KISS1R: variants seen among roughly 807,000 people sequenced by gnomAD.
KISS1R encodes the protein KISS1 receptor.
In KISS1R, 19 loss-of-function variants were observed where a neutral mutation model predicts 22.0. The observed-to-expected ratio is 0.86, with a 90% CI of 0.60 to 1.26. The LOEUF (loss-of-function observed/expected upper bound fraction) is 1.26. Among genes scored for constraint, KISS1R ranks in the 50% most tolerant of loss-of-function variants. The pLI is 0.00. For synonymous variants in KISS1R, 302 were observed against 283.9 expected, an observed-to-expected ratio of 1.06 and a Z score of -0.64; for missense variants, 653 against 581.9, an observed-to-expected ratio of 1.12 and a Z score of -1.26.
At position 920,699 on chromosome 19, in the gene KISS1R, T is replaced by C. The variant is rs779039173; in HGVS notation, c.1148T>C (p.Leu383Pro). ...GCGCAGAAGCCAGGGAGCAGTGGGC[T>C]GGCCGCGCGCGGGCTGTGCGTCCTG... ...ARAQKPGSSG[L>P]AARGLCVLGE... The change falls in exon 5 of 5, where the codon CTG becomes CCG. Residue 383 changes from leucine to proline, a missense_variant. Transcript: ENST00000234371. The C allele has an allele frequency of 7.6e-7, 1 of 1,313,900 alleles. No homozygotes were observed. The highest frequency in any genetic ancestry group is 9.7e-7 in the Non-Finnish European group (1 of 1,031,564). 81.4% of individuals were successfully genotyped at this position (1,313,900 alleles called of 1,614,324 possible). A position where few individuals can be genotyped will look rare whatever the true frequency, so the allele number is the denominator to read the frequency against.
chr19:920,821 TTAG>T lies in KISS1R; in HGVS notation c.*76_*78del. 8.1e-7 allele frequency: 1 copy of T among 1,233,762 alleles called. No homozygotes were observed. Among genetic ancestry groups the T allele is most frequent in the Non-Finnish European group, 1.0e-6 (1 of 988,626 alleles). 76.4% of individuals were successfully genotyped at this position (1,233,762 alleles called of 1,614,324 possible). A position where few individuals can be genotyped will look rare whatever the true frequency, so the allele number is the denominator to read the frequency against. ...TGGAACAGCGGCTATTCTTCTGTTA[TTAG>T]TATTTTTCTTACTGTCCAAGATCAA... On this transcript the variant is annotated 3_prime_UTR_variant, in exon 5 of 5. Coordinates refer to ENST00000234371, the MANE Select transcript of KISS1R (RefSeq NM_032551.5).
rs531922726 is a variant in KISS1R, at chr19:920,494, A to G, written c.943A>G (p.Asn315Asp). ...KTWAHCMSYS[N>D]SALNPLLYAF... is the part of the protein sequence containing the mutation. Reference sequence around the variant, plus strand: ...CTGGGCTCACTGCATGTCCTACAGCAACTCCGCGCTGAACCCGCTGCTCTA... The same window carrying G: ...CTGGGCTCACTGCATGTCCTACAGCGACTCCGCGCTGAACCCGCTGCTCTA... The change falls in exon 5 of 5, where the codon AAC (asparagine) becomes GAC (aspartate). Residue 315 changes from asparagine (N) to aspartate (D), a missense_variant. Physicochemically the swap from Asn to Asp is conservative, Grantham distance 23 (BLOSUM62 1). Coordinates refer to ENST00000234371, the MANE Select transcript of KISS1R (RefSeq NM_032551.5). The G allele has an allele frequency of 6.2e-7, 1 of 1,609,888 alleles. No homozygotes were observed. Among genetic ancestry groups the G allele is most frequent in the South Asian group, 1.1e-5 (1 of 90,600 alleles).
At position 920,756 on chromosome 19, in the gene KISS1R, C is replaced by T. The variant is rs1029509557; in HGVS notation, c.*8C>T. The T allele has an allele frequency of 2.4e-6, 3 of 1,274,464 alleles. No homozygotes were observed. Among genetic ancestry groups the T allele is most frequent in the East Asian group, 2.9e-5 (1 of 33,904 alleles). The allele number at this position is 1,274,464 out of a possible 1,614,324, so 78.9% of individuals were successfully genotyped here. Reference sequence around the variant, plus strand: ...GACAACGCCCCTCTCTGAGCGGACCCGGTGGGAATCCGAGCGGCTCCCTCG... The same window carrying T: ...GACAACGCCCCTCTCTGAGCGGACCTGGTGGGAATCCGAGCGGCTCCCTCG... On this transcript the variant is annotated 3_prime_UTR_variant, in exon 5 of 5. Transcript: ENST00000234371.
Position 917,492 on chromosome 19 carries a change from TGC to T in KISS1R, c.-5_-4del. The T allele has an allele frequency of 6.9e-7, 1 of 1,449,368 alleles. No homozygotes were observed. Among genetic ancestry groups the T allele is most frequent in the Non-Finnish European group, 9.0e-7 (1 of 1,105,682 alleles). 89.8% of individuals were successfully genotyped at this position (1,449,368 alleles called of 1,614,324 possible). ...CTGGAGGGCGGCCGGGAGGAGGAGGTGCGCGCGGCCATGCACACCGTGGCTAC... is the reference window on the plus strand; with the variant it reads ...CTGGAGGGCGGCCGGGAGGAGGAGGTGCGCGGCCATGCACACCGTGGCTAC... On this transcript the variant is annotated 5_prime_UTR_variant, in exon 1 of 5. Coordinates refer to ENST00000234371, the MANE Select transcript of KISS1R (RefSeq NM_032551.5).
In KISS1R at chr19:920,281, C is replaced by G. The variant is rs1192975485; in HGVS notation, c.739-9C>G. On this transcript the variant is annotated splice_polypyrimidine_tract_variant and intron_variant, in intron 4 of 4. Coordinates refer to ENST00000234371, the MANE Select transcript of KISS1R (RefSeq NM_032551.5). ...CTTTCGTCTAACCACCTTCACGGCA[C>G]CCCCCCAGGGGCAGGTGCTGGCAGA... 1.3e-6 allele frequency: 2 copies of G among 1,558,906 alleles called. No individual in the cohort carries two copies. The highest frequency in any genetic ancestry group is 1.8e-5 in the Admixed American group (1 of 56,098).
rs748734882 is a variant in KISS1R at position 920,368 on chromosome 19, G to T, written c.817G>T (p.Ala273Ser). Reference sequence around the variant, plus strand: ...GGTGGCGGCCGTGGTCCTGCTCTTCGCCGCCTGCTGGGGCCCCATCCAGCT... The same window carrying T: ...GGTGGCGGCCGTGGTCCTGCTCTTCTCCGCCTGCTGGGGCCCCATCCAGCT... ...RLVAAVVLLF[A>S]ACWGPIQLFL... Residue 273 changes from alanine to serine, a missense_variant, in exon 5 of 5, where the codon GCC becomes TCC. Physicochemically the swap from Ala to Ser is moderately conservative, Grantham distance 99 (BLOSUM62 1). Coordinates refer to ENST00000234371, the MANE Select transcript of KISS1R (RefSeq NM_032551.5). 2.5e-6 allele frequency: 4 copies of T among 1,576,364 alleles called. No homozygotes were observed. The highest frequency in any genetic ancestry group is 3.4e-6 in the Non-Finnish European group (4 of 1,168,058).
chr19:920,259 T>G, intron 4 of KISS1R, 31 bp from the exon 5 acceptor site: 1 of 1,559,072 alleles, frequency 6.4e-7, no homozygotes, highest in Non-Finnish European at 8.6e-7. Context: ...CCCCAGCCTT[T>G]CGTCTAACCA....
chr19:920,174 G>A lies in KISS1R; in HGVS notation c.738+68G>A, dbSNP rs1311051843. 6 of 1,481,852 alleles carry A rather than the reference G, an allele frequency of 4.0e-6. No homozygotes were observed. The Admixed American group carries it at 1.1e-4, about 28-fold the overall frequency. The allele number at this position is 1,481,852 out of a possible 1,614,324, so 91.8% of individuals were successfully genotyped here. On this transcript the variant is annotated intron_variant, in intron 4 of 4. Transcript: ENST00000234371. ...GGAGGCACCGTGGTGGGAGGCGCCG[G>A]TGGGGGCATCTGCGCGGGCAGGGAC...
chr19:919,780 C>T (rs1391067198), intron 3 of KISS1R, 94 bp from the exon 4 acceptor site: 3 of 1,488,126 alleles, frequency 2.0e-6, no homozygotes, highest in African/African-American at 2.8e-5. Flanking sequence ...GGCGCCCGGG[C>T]CTTTGCAGGG....
At chr19:918,760 G>A in intron 2 of KISS1R, 92 bp downstream of exon 2, 1 of 1,439,804 alleles carries the variant, frequency 6.9e-7, no homozygotes, top group East Asian at 2.5e-5. Flanking sequence ...CTTGGGGACA[G>A]GCGGGAGTGC....
chr19:920,003 T>G lies in KISS1R; in HGVS notation c.635T>G (p.Leu212Arg). ...RAFALYNLLA[L>R]YLLPLLATCA... is the part of the protein sequence containing the mutation. ...TTCGCACTGTACAACCTGCTGGCGC[T>G]GTACCTGCTGCCGCTGCTCGCCACC... is the stretch of plus-strand genomic sequence containing the variant. Residue 212 changes from leucine to arginine, a missense_variant, in exon 4 of 5, where the codon CTG becomes CGG. Transcript: ENST00000234371. 1 of 1,551,140 alleles carries G rather than the reference T, an allele frequency of 6.4e-7. No homozygotes were observed.
Position 920,396 on chromosome 19 carries a change from T to TC in KISS1R, c.847dup (p.Leu283ProfsTer23). 1 of 1,601,092 alleles carries TC rather than the reference T, an allele frequency of 6.2e-7. No individual in the cohort carries two copies. The highest frequency in any genetic ancestry group is 8.5e-7 in the Non-Finnish European group (1 of 1,177,022). ...GCCTGCTGGGGCCCCATCCAGCTGT[T>TC]CCTGGTGCTGCAGGCGCTGGGCCCC... On this transcript the variant is annotated frameshift_variant, in exon 5 of 5. Coordinates refer to ENST00000234371, the MANE Select transcript of KISS1R (RefSeq NM_032551.5). LOFTEE classifies it low-confidence loss of function (END_TRUNC).
rs2037064042 is a variant in KISS1R, at chr19:917,389, GC to G, written c.-110del. 4 of 1,249,036 alleles carry G rather than the reference GC, an allele frequency of 3.2e-6. No homozygotes were observed. Among genetic ancestry groups the G allele is most frequent in the Non-Finnish European group, 4.2e-6 (4 of 963,538 alleles). The allele number at this position is 1,249,036 out of a possible 1,614,324, so 77.4% of individuals were successfully genotyped here. A position where few individuals can be genotyped will look rare whatever the true frequency, so the allele number is the denominator to read the frequency against. On this transcript the variant is annotated 5_prime_UTR_variant, in exon 1 of 5. Transcript: ENST00000234371. ...TCTGGACCCTGCGGACCCCAGCCGA[GC>G]CCCTTCCTGAGTTCCACAGGCGCAG...
chr19:919,439 C>A, intron 2 of KISS1R, 51 bp from the exon 3 acceptor site: 3 of 1,535,976 alleles, frequency 2.0e-6, no homozygotes, highest in African/African-American at 2.7e-5. Flanking sequence ...GCGGACAGGG[C>A]AGGCTCCCAA....
chr19:920,842 A>G lies in KISS1R; in HGVS notation c.*94A>G. On this transcript the variant is annotated 3_prime_UTR_variant, in exon 5 of 5. Coordinates refer to ENST00000234371, the MANE Select transcript of KISS1R (RefSeq NM_032551.5). ...GTTATTAGTATTTTTCTTACTGTCCAAGATCAACTGTGGAAATATTTTGGT... is the reference window on the plus strand; with the variant it reads ...GTTATTAGTATTTTTCTTACTGTCCGAGATCAACTGTGGAAATATTTTGGT... 8.2e-7 allele frequency: 1 copy of G among 1,216,696 alleles called. No individual in the cohort carries two copies. Among genetic ancestry groups the G allele is most frequent in the Admixed American group, 4.3e-5 (1 of 23,272 alleles). 75.4% of individuals were successfully genotyped at this position (1,216,696 alleles called of 1,614,324 possible).
In KISS1R at chr19:920,870, C is replaced by G; in HGVS notation, c.*122C>G. 1 of 1,142,984 alleles carries G rather than the reference C, an allele frequency of 8.7e-7. No individual in the cohort carries two copies. The highest frequency in any genetic ancestry group is 1.1e-6 in the Non-Finnish European group (1 of 909,760). 70.8% of individuals were successfully genotyped at this position (1,142,984 alleles called of 1,614,324 possible). A position where few individuals can be genotyped will look rare whatever the true frequency, so the allele number is the denominator to read the frequency against. On this transcript the variant is annotated 3_prime_UTR_variant, in exon 5 of 5. Transcript: ENST00000234371. ...ATCAACTGTGGAAATATTTTGGTCT[C>G]TTGTGACGTTCGGTGCAGTTTCGTT...
In KISS1R at chr19:920,303, C is replaced by G; in HGVS notation, c.752C>G (p.Ala251Gly). The G allele has an allele frequency of 6.4e-7, 1 of 1,570,904 alleles. No homozygotes were observed. Among genetic ancestry groups the G allele is most frequent in the East Asian group, 2.3e-5 (1 of 42,982 alleles). Residue 251 changes from alanine to glycine, a missense_variant, in exon 5 of 5, where the codon GCA (alanine) becomes GGA (glycine). Physicochemically the swap from Ala to Gly is moderately conservative, Grantham distance 60. Coordinates refer to ENST00000234371, the MANE Select transcript of KISS1R (RefSeq NM_032551.5). ...GCACCCCCCCAGGGGCAGGTGCTGG[C>G]AGAGCGCGCAGGCGCCGTGCGGGCC... ...ADSALQGQVL[A>G]ERAGAVRAKV...
In KISS1R at chr19:920,950, CAT is replaced by C. The variant is rs1462261086; in HGVS notation, c.*203_*204del. On this transcript the variant is annotated 3_prime_UTR_variant, in exon 5 of 5. Coordinates refer to ENST00000234371, the MANE Select transcript of KISS1R (RefSeq NM_032551.5). ...GACTTCTGTGTTTCCTGAAATTAAA[CAT>C]GTGTCAACACAGGACTTTCTGGATC... 4.4e-5 allele frequency: 21 copies of C among 482,500 alleles called. No homozygotes were observed. Among genetic ancestry groups the C allele is most frequent in the East Asian group, 2.3e-4 (6 of 25,806 alleles). The allele number at this position is 482,500 out of a possible 1,614,324, so 29.9% of individuals were successfully genotyped here.
Position 920,850 on chromosome 19 carries a change from C to G in KISS1R, c.*102C>G. 8.3e-7 allele frequency: 1 copy of G among 1,210,790 alleles called. No individual in the cohort carries two copies. Among genetic ancestry groups the G allele is most frequent in the Non-Finnish European group, 1.0e-6 (1 of 970,758 alleles). 75.0% of individuals were successfully genotyped at this position (1,210,790 alleles called of 1,614,324 possible). A position where few individuals can be genotyped will look rare whatever the true frequency, so the allele number is the denominator to read the frequency against. On this transcript the variant is annotated 3_prime_UTR_variant, in exon 5 of 5. Coordinates refer to ENST00000234371, the MANE Select transcript of KISS1R (RefSeq NM_032551.5). ...TATTTTTCTTACTGTCCAAGATCAA[C>G]TGTGGAAATATTTTGGTCTCTTGTG...
Sources: allele counts gnomAD v4.1 joint callset, GRCh38; gene constraint gnomAD v4.1.1; transcripts MANE v1.5; gene names NCBI Gene and HGNC (gene_info 2026-07-23, HGNC 2026-07-21).